The following CTNNA3 variants were observed in gnomAD, a reference collection of about 807,000 sequenced individuals.
The protein encoded by CTNNA3 is catenin alpha 3.
Under a neutral mutation model 95.7 loss-of-function variants are expected in CTNNA3, and 76 were observed. The observed-to-expected ratio is 0.79, with a 90% CI of 0.66 to 0.96. The LOEUF is 0.96. Ranked by LOEUF, CTNNA3 falls within the 40% of genes least tolerant of loss-of-function variation. The pLI, the probability that CTNNA3 is intolerant of heterozygous loss-of-function variation, is 0.00. For missense variants in CTNNA3, 1,191 were observed against 1,089.8 expected (o/e 1.09, Z -1.31); for synonymous variants, 431 against 374.4 (o/e 1.15, Z -1.74).
At chr10:67,740,170 A>C (rs1841327297) in intron 1 of CTNNA3, among the ~76,000 whole-genome samples, 1 of 152,208 alleles carries the variant, frequency 6.6e-6, no homozygotes, top group South Asian at 2.1e-4. Flanking sequence ...AGATGGATTA[A>C]AGACTTAAAC....
At chr10:66,645,055 T>C (rs1479907330) in intron 9 of CTNNA3, among the ~76,000 whole-genome samples, 2 of 152,178 alleles carry the variant, frequency 1.3e-5, no homozygotes, top group African/African-American at 4.8e-5. Context: ...TTCTTGGAGA[T>C]TTATTCAACC....
Position 67,701,299 on chromosome 10 carries a change from G to C in CTNNA3, c.-1-53785C>G, listed in dbSNP as rs138342276. ...ATGTCACAAAGATACTCCTCGAGAA[G>C]AGCAACACCAAGACACATAATTGTC... is the stretch of plus-strand genomic sequence containing the variant. On this transcript the variant is annotated intron_variant, in intron 1 of 17. Transcript: ENST00000684154. Among the ~76,000 whole-genome samples, 89 of 152,230 alleles carry C rather than the reference G, an allele frequency of 5.8e-4. 2 individuals carry two copies. Among genetic ancestry groups the C allele is most frequent in the African/African-American group, 2.0e-3 (85 of 41,532 alleles).
chr10:65,960,197 T>C (rs983032526), intron 17 of CTNNA3, among the ~76,000 whole-genome samples: 2 of 152,152 alleles, frequency 1.3e-5, no homozygotes, highest in African/African-American at 4.8e-5. Context: ...TGTGATTCTA[T>C]CTTTTTTTAA....
intron 9 of CTNNA3, among the ~76,000 whole-genome samples, chr10:66,685,209 A>AAATATATGTGTATATATATACG (rs1564617136): frequency 2.8e-5 from 1 of 36,310 alleles, no homozygotes; most frequent in South Asian, 9.8e-4. Flanking sequence ...ATATATACGT[A>AAATATATGTGTATATATATACG]TATATATGTG....
chr10:67,602,141 A>G (rs1355391509), intron 3 of CTNNA3, among the ~76,000 whole-genome samples: 1 of 151,704 alleles, frequency 6.6e-6, no homozygotes, highest in Non-Finnish European at 1.5e-5. Context: ...CTTTAACCTT[A>G]TTAGTTGTTC....
chr10:66,027,871 T>C (rs1424265994), intron 15 of CTNNA3, among the ~76,000 whole-genome samples: 1 of 152,184 alleles, frequency 6.6e-6, no homozygotes, highest in Non-Finnish European at 1.5e-5. Context: ...ATTTCTTCTT[T>C]GAAGAAATAT....
At chr10:67,310,205 A>C (rs1201756041) in intron 5 of CTNNA3, among the ~76,000 whole-genome samples, 3 of 152,200 alleles carry the variant, frequency 2.0e-5, no homozygotes, top group African/African-American at 7.2e-5. Context: ...TTGTTCTCCT[A>C]GTCTATTTTA....
intron 11 of CTNNA3, among the ~76,000 whole-genome samples, chr10:66,432,662 G>GAAAA (rs11424847): frequency 2.5e-5 from 3 of 120,438 alleles, no homozygotes; most frequent in African/African-American, 3.0e-5. Flanking sequence ...CCATCTCACA[G>GAAAA]AAAAAAAAAA....
At chr10:67,133,516 G>C (rs1860142737) in intron 7 of CTNNA3, among the ~76,000 whole-genome samples, 2 of 151,428 alleles carry the variant, frequency 1.3e-5, no homozygotes, top group African/African-American at 4.8e-5. Context: ...AAGGAGCAAA[G>C]GAATGGAGGG....
intron 13 of CTNNA3, among the ~76,000 whole-genome samples, chr10:66,187,232 G>C (rs1411623798): frequency 6.6e-6 from 1 of 152,060 alleles, no homozygotes; most frequent in Non-Finnish European, 1.5e-5. Context: ...AGTGCAGAAA[G>C]CTGTTTCCCT....
chr10:66,988,907 G>C (rs1346179688), intron 7 of CTNNA3, among the ~76,000 whole-genome samples: 1 of 151,422 alleles, frequency 6.6e-6, no homozygotes, highest in Non-Finnish European at 1.5e-5. Context: ...TCCCCTATTT[G>C]CTCCACTACT....
At chr10:66,659,789 G>T (rs965293046) in intron 9 of CTNNA3, among the ~76,000 whole-genome samples, 4 of 152,044 alleles carry the variant, frequency 2.6e-5, no homozygotes, top group African/African-American at 9.7e-5. Flanking sequence ...CATCAAATCT[G>T]CCCGAGCTTT....
chr10:66,267,716 T>C (rs1323636420), intron 13 of CTNNA3, among the ~76,000 whole-genome samples: 1 of 152,154 alleles, frequency 6.6e-6, no homozygotes, highest in Non-Finnish European at 1.5e-5. Flanking sequence ...ATGTTTCCCA[T>C]GTTCATGATA....
chr10:66,639,001 T>C (rs1411526960), intron 9 of CTNNA3, among the ~76,000 whole-genome samples: 1 of 152,166 alleles, frequency 6.6e-6, no homozygotes, highest in Non-Finnish European at 1.5e-5. Context: ...AATAAAAATA[T>C]ATTTCTCTGT....
At chr10:66,188,626 TGTGTGC>T (rs2086473702) in intron 13 of CTNNA3, among the ~76,000 whole-genome samples, 1 of 149,784 alleles carries the variant, frequency 6.7e-6, no homozygotes, top group African/African-American at 2.5e-5. Context: ...TGTGTGTGTG[TGTGTGC>T]CACAATTTAT....
chr10:66,046,790 A>G (rs558320442), intron 15 of CTNNA3, among the ~76,000 whole-genome samples: 1 of 152,162 alleles, frequency 6.6e-6, no homozygotes, highest in Non-Finnish European at 1.5e-5. Context: ...AGGTAATGTT[A>G]TTATTGGCCC....
intron 5 of CTNNA3, among the ~76,000 whole-genome samples, chr10:67,237,848 G>C (rs999970446): frequency 6.6e-6 from 1 of 152,190 alleles, no homozygotes; most frequent in African/African-American, 2.4e-5. Flanking sequence ...GAGTGGATTG[G>C]AGAGAATGAA....
intron 5 of CTNNA3, among the ~76,000 whole-genome samples, chr10:67,363,493 C>A (rs72806664): frequency 0.14 from 20,867 of 151,484 alleles, 1,525 homozygotes; most frequent in Non-Finnish European, 0.17. Flanking sequence ...CACACACACA[C>A]AAAAAAACTC....
intron 7 of CTNNA3, among the ~76,000 whole-genome samples, chr10:67,094,103 A>G (rs1857824864): frequency 6.6e-6 from 1 of 151,994 alleles, no homozygotes; most frequent in Non-Finnish European, 1.5e-5. Context: ...ATAGAGAAGA[A>G]AAGATATTAC....
Sources: gnomAD v4.1 joint callset for allele counts (sites outside exome capture counted in the v4.1 genomes callset) on GRCh38, gnomAD v4.1.1 for gene constraint, MANE v1.5 for transcripts, NCBI Gene and HGNC (gene_info 2026-07-23, HGNC 2026-07-21) for gene names.